DNAJC24: variants seen among roughly 807,000 people sequenced by gnomAD.
DNAJC24 encodes the protein DnaJ heat shock protein family (Hsp40) member C24, also known as dnaJ homolog subfamily C member 24.
Under a neutral mutation model 18.0 loss-of-function variants are expected in DNAJC24, and 17 were observed. The ratio of observed to expected loss-of-function variants is 0.94; its 90% CI spans 0.65 to 1.42. The LOEUF is 1.42. Among genes scored for constraint, DNAJC24 ranks in the 40% most tolerant of loss-of-function variants. DNAJC24 has a pLI of 0.00. For missense variants in DNAJC24, 158 were observed against 175.6 expected (o/e 0.90, Z 0.57); for synonymous variants, 55 against 57.7 (o/e 0.95, Z 0.21).
chr11:31,425,598 T>C (rs925829794), intron 3 of DNAJC24, among the ~76,000 whole-genome samples: 10 of 152,096 alleles, frequency 6.6e-5, no homozygotes, highest in African/African-American at 2.4e-4. Flanking sequence ...TGGGTGCGTG[T>C]GGAAAGAGAT....
chr11:31,408,749 T>C (rs1254837142), intron 2 of DNAJC24, among the ~76,000 whole-genome samples: 1 of 152,204 alleles, frequency 6.6e-6, no homozygotes, highest in Non-Finnish European at 1.5e-5. Context: ...CAATGAATGA[T>C]ATGGTAATTT....
chr11:31,374,134 A>G (rs1011688494), intron 2 of DNAJC24: 2 of 393,428 alleles, frequency 5.1e-6, no homozygotes, highest in African/African-American at 2.1e-5. Context: ...TAAAATGTTC[A>G]GTTGAAGTGT....
At chr11:31,396,411 ATT>A (rs1952543048) in intron 2 of DNAJC24, 1 of 368,882 alleles carries the variant, frequency 2.7e-6, no homozygotes, top group Admixed American at 3.5e-5. Context: ...TAGCCCCTCA[ATT>A]ATATGCAAAT....
At position 31,432,675 on chromosome 11, in the gene DNAJC24, T is replaced by A; in HGVS notation, c.*2274T>A. The A allele has an allele frequency of 1.4e-6, 1 of 715,964 alleles. No individual in the cohort carries two copies. Among genetic ancestry groups the A allele is most frequent in the Non-Finnish European group, 2.5e-6 (1 of 402,550 alleles). The allele number at this position is 715,964 out of a possible 1,614,324, so 44.4% of individuals were successfully genotyped here. A position where few individuals can be genotyped will look rare whatever the true frequency, so the allele number is the denominator to read the frequency against. On this transcript the variant is annotated 3_prime_UTR_variant, in exon 5 of 5. Transcript: ENST00000465995. ...TTTTCTCTATGCCAGATAAACACTT[T>A]CTCCTTACTCATCAATCAAGAATAA...
intron 2 of DNAJC24, among the ~76,000 whole-genome samples, chr11:31,402,992 T>C (rs1422366169): frequency 6.6e-6 from 1 of 152,224 alleles, no homozygotes. Flanking sequence ...GCAGCATCGT[T>C]ATCTGGCACA....
chr11:31,405,971 A>G (rs1194262853), intron 2 of DNAJC24, among the ~76,000 whole-genome samples: 1 of 152,206 alleles, frequency 6.6e-6, no homozygotes, highest in Non-Finnish European at 1.5e-5. Context: ...TAGTCTATTC[A>G]TGAGGGCAGA....
chr11:31,407,195 G>A (rs997239210), intron 2 of DNAJC24, among the ~76,000 whole-genome samples: 4 of 152,124 alleles, frequency 2.6e-5, no homozygotes, highest in African/African-American at 9.7e-5. Context: ...AGTAATATTA[G>A]CCTATTTGGG....
At chr11:31,376,322 A>T (rs755643232) in intron 2 of DNAJC24, among the ~76,000 whole-genome samples, 1 of 152,224 alleles carries the variant, frequency 6.6e-6, no homozygotes, top group Non-Finnish European at 1.5e-5. Context: ...TTAATACACC[A>T]TCTCATAGCA....
At chr11:31,370,331 G>A (rs1952206856) in intron 1 of DNAJC24, among the ~76,000 whole-genome samples, 1 of 151,672 alleles carries the variant, frequency 6.6e-6, no homozygotes, top group Non-Finnish European at 1.5e-5. Flanking sequence ...TTTTTTATTC[G>A]TTCATTTTGT....
chr11:31,427,443 T>C (rs1416933687), intron 4 of DNAJC24: 1 of 151,920 alleles, frequency 6.6e-6, no homozygotes, highest in African/African-American at 2.4e-5. Flanking sequence ...CACGAAGAAA[T>C]ACTGTGAAAA....
chr11:31,404,320 C>T (rs979989098), intron 2 of DNAJC24, among the ~76,000 whole-genome samples: 4 of 152,176 alleles, frequency 2.6e-5, no homozygotes, highest in African/African-American at 7.2e-5. Flanking sequence ...GATTCACACA[C>T]CTCTGGCATA....
At chr11:31,388,272 A>G (rs1192239212) in intron 2 of DNAJC24, among the ~76,000 whole-genome samples, 1 of 152,158 alleles carries the variant, frequency 6.6e-6, no homozygotes, top group Non-Finnish European at 1.5e-5. Context: ...AGGTTATAGA[A>G]CACCAAGCAG....
intron 4 of DNAJC24, chr11:31,429,452 A>C (rs1255064500): frequency 5.3e-6 from 2 of 379,928 alleles, no homozygotes. Flanking sequence ...TGGTAAAATA[A>C]TGTGACTGAT....
chr11:31,391,338 G>A (rs1952493545), intron 2 of DNAJC24, among the ~76,000 whole-genome samples: 1 of 152,090 alleles, frequency 6.6e-6, no homozygotes, highest in Non-Finnish European at 1.5e-5. Flanking sequence ...GCATAGTACT[G>A]GAAGTCCTAG....
intron 2 of DNAJC24, among the ~76,000 whole-genome samples, chr11:31,404,302 G>A (rs1008017497): frequency 5.3e-5 from 8 of 152,180 alleles, no homozygotes; most frequent in Non-Finnish European, 7.3e-5. Flanking sequence ...TCAAGATGGA[G>A]TTGCTGTGAT....
chr11:31,394,732 T>A (rs575338816), intron 2 of DNAJC24, among the ~76,000 whole-genome samples: 1 of 151,910 alleles, frequency 6.6e-6, no homozygotes, highest in Non-Finnish European at 1.5e-5. Context: ...TAAATACTTA[T>A]GTAAATAAGG....
At chr11:31,419,440 C>A (rs1233151447) in intron 3 of DNAJC24, among the ~76,000 whole-genome samples, 1 of 152,030 alleles carries the variant, frequency 6.6e-6, no homozygotes, top group Non-Finnish European at 1.5e-5. Context: ...TGACTACTCA[C>A]ATTACTTGCT....
chr11:31,425,387 GCTTT>G (rs1265893422), intron 3 of DNAJC24, among the ~76,000 whole-genome samples: 4 of 152,150 alleles, frequency 2.6e-5, no homozygotes, highest in Admixed American at 2.6e-4. Flanking sequence ...ATGGAGAACA[GCTTT>G]CTATTAGTCT....
intron 2 of DNAJC24, among the ~76,000 whole-genome samples, chr11:31,389,145 G>T (rs1952461494): frequency 6.6e-6 from 1 of 151,986 alleles, no homozygotes. Context: ...AATGGCAGGA[G>T]TAAGTCCTTA....
Sources: gnomAD v4.1 joint callset for allele counts (sites outside exome capture counted in the v4.1 genomes callset) on GRCh38, gnomAD v4.1.1 for gene constraint, MANE v1.5 for transcripts, NCBI Gene and HGNC (gene_info 2026-07-23, HGNC 2026-07-21) for gene names.